KAT6A: variants seen among roughly 807,000 people sequenced by gnomAD.
KAT6A encodes histone acetyltransferase KAT6A.
A neutral mutation model predicts 198.4 loss-of-function variants in KAT6A; 9 were observed. The ratio of observed to expected loss-of-function variants is 0.05; its 90% CI spans 0.03 to 0.08. The LOEUF (loss-of-function observed/expected upper bound fraction) is 0.08. Ranked by LOEUF, KAT6A falls within the 10% of genes least tolerant of loss-of-function variation. The probability of loss-of-function intolerance (pLI) is 1.00; values close to 1 mark genes in which losing one functional copy is unlikely to be tolerated. For synonymous variants in KAT6A, 890 were observed against 883.0 expected, an observed-to-expected ratio of 1.01 and a Z score of -0.14; for missense variants, 2,077 against 2,509.9, an observed-to-expected ratio of 0.83 and a Z score of 3.69.
chr8:41,970,576 G>C (rs963089953), intron 8 of KAT6A, among the ~76,000 whole-genome samples: 1 of 152,188 alleles, frequency 6.6e-6, no homozygotes, highest in Non-Finnish European at 1.5e-5. Flanking sequence ...TCAGTAGATA[G>C]CAGTGACCAA....
chr8:41,989,940 T>C (rs1824845337), intron 2 of KAT6A, among the ~76,000 whole-genome samples: 1 of 152,108 alleles, frequency 6.6e-6, no homozygotes, highest in African/African-American at 2.4e-5. Context: ...GTCTTAATAA[T>C]TATGGCTTAA....
intron 8 of KAT6A, among the ~76,000 whole-genome samples, chr8:41,965,971 T>C (rs1823463935): frequency 6.6e-6 from 1 of 152,194 alleles, no homozygotes; most frequent in Non-Finnish European, 1.5e-5. Flanking sequence ...TTTAGTTCAT[T>C]GGATAATTTA....
intron 2 of KAT6A, among the ~76,000 whole-genome samples, chr8:42,021,641 G>A (rs542243043): frequency 6.6e-6 from 1 of 152,238 alleles, no homozygotes; most frequent in Non-Finnish European, 1.5e-5. Context: ...AACTCAGGGA[G>A]TACTTTAGAC....
intron 2 of KAT6A, among the ~76,000 whole-genome samples, chr8:42,039,469 A>G (rs1202326520): frequency 6.6e-6 from 1 of 152,228 alleles, no homozygotes; most frequent in East Asian, 1.9e-4. Flanking sequence ...GAGAAAATAA[A>G]TCTAATAGAT....
At position 41,966,848 on chromosome 8, in the gene KAT6A, T is replaced by C. The variant is rs1823516383; in HGVS notation, c.1482+7856A>G. 2.6e-5 allele frequency among the ~76,000 whole-genome samples: 4 copies of C among 152,278 alleles called. No homozygotes were observed. The South Asian group carries it at 8.3e-4, about 32-fold the overall frequency. Reference sequence around the variant, plus strand: ...AGAATAATGCAGGATGTTATTGTGATTAAGGGTACAGAATTAGAAGTCACA... The same window carrying C: ...AGAATAATGCAGGATGTTATTGTGACTAAGGGTACAGAATTAGAAGTCACA... On this transcript the variant is annotated intron_variant, in intron 8 of 16. Coordinates refer to ENST00000265713, the MANE Select transcript of KAT6A (RefSeq NM_006766.5).
In KAT6A at chr8:41,931,483, T is replaced by C. The variant is rs999359083; in HGVS notation, c.*722A>G. On this transcript the variant is annotated 3_prime_UTR_variant, in exon 17 of 17. Coordinates refer to ENST00000265713, the MANE Select transcript of KAT6A (RefSeq NM_006766.5). ...ATATTTTAAAAAAGAAGAAAAAAAT[T>C]ATATTACACTTGATTCAAGAACAAC... 5 of 208,266 alleles carry C rather than the reference T, an allele frequency of 2.4e-5. No individual in the cohort carries two copies. Among genetic ancestry groups the C allele is most frequent in the African/African-American group, 1.1e-4 (5 of 43,904 alleles). The allele number at this position is 208,266 out of a possible 1,614,324, so 12.9% of individuals were successfully genotyped here. A position where few individuals can be genotyped will look rare whatever the true frequency, so the allele number is the denominator to read the frequency against.
In KAT6A at chr8:41,934,567, G is replaced by C. The variant is rs761533593; in HGVS notation, c.3653C>G (p.Pro1218Arg). The C allele has an allele frequency of 3.1e-6, 5 of 1,613,742 alleles. No homozygotes were observed. The African/African-American group carries it at 6.7e-5, about 22-fold the overall frequency. ...CTCCTCCTTCCTCTCCTCGGGTAGGGGCATGTCTTCTTTTGGCTCAACAGT... is the reference window on the plus strand; with the variant it reads ...CTCCTCCTTCCTCTCCTCGGGTAGGCGCATGTCTTCTTTTGGCTCAACAGT... ...EETVEPKEDM[P>R]LPEERKEEEE... is the part of the protein sequence containing the mutation. The change falls in exon 17 of 17, where the codon CCC (proline) becomes CGC (arginine). Residue 1218 changes from proline to arginine, a missense_variant. Coordinates refer to ENST00000265713, the MANE Select transcript of KAT6A (RefSeq NM_006766.5).
intron 8 of KAT6A, among the ~76,000 whole-genome samples, chr8:41,955,741 T>C (rs188073193): frequency 6.6e-6 from 1 of 152,322 alleles, no homozygotes; most frequent in East Asian, 1.9e-4. Context: ...TACTTGGTGA[T>C]ATAAGATAAA....
In KAT6A at chr8:41,943,748, T is replaced by C. The variant is rs1822253833; in HGVS notation, c.2228A>G (p.Gln743Arg). 9 of 1,606,736 alleles carry C rather than the reference T, an allele frequency of 5.6e-6. No homozygotes were observed. The highest frequency in any genetic ancestry group is 1.1e-5 in the South Asian group (1 of 90,890). Residue 743 changes from glutamine (Q) to arginine (R), a missense_variant and splice_region_variant, in exon 13 of 17, where the codon CAA becomes CGA. Around this residue, in one of 13 missense-constraint regions of KAT6A, gnomAD observed 127 missense variants for 209.6 expected, o/e 0.61. Transcript: ENST00000265713. ...HLRMLDFRSDQFVIIRREKLI... is the reference protein window; with the variant it reads ...HLRMLDFRSDRFVIIRREKLI... The stretch of plus-strand genomic sequence containing the variant: ...GTATACAAAAAGATGTGATACTCAC[T>C]GGTCACTACGGAAGTCCAGCATTCG...
intron 2 of KAT6A, among the ~76,000 whole-genome samples, chr8:42,041,894 GTTTT>G (rs1262873965): frequency 2.0e-5 from 3 of 151,598 alleles, no homozygotes; most frequent in Admixed American, 6.6e-5. Context: ...AAGATTTTTT[GTTTT>G]TTTTGTTTTT....
At chr8:41,938,251 C>G (rs1199218068) in intron 15 of KAT6A, among the ~76,000 whole-genome samples, 1 of 152,218 alleles carries the variant, frequency 6.6e-6, no homozygotes, top group East Asian at 1.9e-4. Flanking sequence ...GGGTATAGGA[C>G]TTGCTTAAGT....
rs989044326 is a variant in KAT6A, at chr8:41,977,323, T to C, written c.1048A>G (p.Lys350Glu). ...NRLKKQNTVS[K>E]GPFSKVRTGP... ...GTTCGAACTTTGCTGAAGGGACCTT[T>C]TGATCTAAACAATTAAACAGGGGAA... The change falls in exon 7 of 17, where the codon AAA (lysine) becomes GAA (glutamate). Residue 350 changes from lysine (K) to glutamate (E), a missense_variant. Physicochemically the swap from Lys to Glu is moderately conservative, Grantham distance 56. This residue lies in a region of KAT6A where 206 missense variants were observed against 214.9 expected (regional missense o/e 0.96). Transcript: ENST00000265713. 2 of 1,610,988 alleles carry C rather than the reference T, an allele frequency of 1.2e-6. No homozygotes were observed. Among genetic ancestry groups the C allele is most frequent in the African/African-American group, 2.7e-5 (2 of 74,774 alleles).
intron 12 of KAT6A, 93 bp from the exon 13 acceptor site, chr8:41,944,072 G>A: frequency 3.8e-4 from 270 of 713,852 alleles, no homozygotes; most frequent in East Asian, 1.1e-3. Flanking sequence ...CTACAACCAA[G>A]AATAACTCCA....
Position 41,934,035 on chromosome 8 carries a change from G to T in KAT6A, c.4185C>A (p.Asp1395Glu), listed in dbSNP as rs766981785. The change falls in exon 17 of 17, where the codon GAC becomes GAA. Residue 1395 changes from aspartate to glutamate, a missense_variant. Asp to Glu is a conservative substitution (Grantham distance 45). Around this residue, in one of 13 missense-constraint regions of KAT6A, gnomAD observed 178 missense variants for 220.8 expected, o/e 0.81. Coordinates refer to ENST00000265713, the MANE Select transcript of KAT6A (RefSeq NM_006766.5). Reference sequence around the variant, plus strand: ...CCTTAGTGTGGGAGTCTTCTTCGTGGTCGTCCTCAGACCCAGCCATCTGCT... The same window carrying T: ...CCTTAGTGTGGGAGTCTTCTTCGTGTTCGTCCTCAGACCCAGCCATCTGCT... ...VSEQMAGSED[D>E]HEEDSHTKEE... The T allele has an allele frequency of 1.2e-6, 2 of 1,613,986 alleles. No individual in the cohort carries two copies. Among genetic ancestry groups the T allele is most frequent in the South Asian group, 1.1e-5 (1 of 91,048 alleles).
chr8:42,028,360 G>A (rs1826944090), intron 2 of KAT6A, among the ~76,000 whole-genome samples: 1 of 152,168 alleles, frequency 6.6e-6, no homozygotes, highest in Non-Finnish European at 1.5e-5. Flanking sequence ...CCATATTGGA[G>A]TTGTTCTCTC....
At position 41,934,952 on chromosome 8, in the gene KAT6A, G is replaced by A. The variant is rs528469657; in HGVS notation, c.3353-85C>T. 17 of 1,057,492 alleles carry A rather than the reference G, an allele frequency of 1.6e-5. No homozygotes were observed. The South Asian group carries it at 2.4e-4, about 15-fold the overall frequency. The allele number at this position is 1,057,492 out of a possible 1,614,324, so 65.5% of individuals were successfully genotyped here. A position where few individuals can be genotyped will look rare whatever the true frequency, so the allele number is the denominator to read the frequency against. ...TCTTCCAAGACTAGCATATACAATA[G>A]AAATGACTTTATTAATCATTACTTT... On this transcript the variant is annotated intron_variant, in intron 16 of 16. Coordinates refer to ENST00000265713, the MANE Select transcript of KAT6A (RefSeq NM_006766.5).
intron 9 of KAT6A, among the ~76,000 whole-genome samples, chr8:41,953,047 T>C (rs763913883): frequency 6.6e-6 from 1 of 152,212 alleles, no homozygotes; most frequent in African/African-American, 2.4e-5. Flanking sequence ...TGGTTCCTAT[T>C]ATACTTTTTT....
chr8:41,994,762 A>G (rs555462348), intron 2 of KAT6A, among the ~76,000 whole-genome samples: 1 of 152,172 alleles, frequency 6.6e-6, no homozygotes, highest in South Asian at 2.1e-4. Flanking sequence ...TCTTACTACT[A>G]AAAGCAATGC....
At chr8:41,967,274 A>AATTTATTTATTT (rs10661891) in intron 8 of KAT6A, among the ~76,000 whole-genome samples, 52,053 of 142,468 alleles carry the variant, frequency 0.37, 9,707 homozygotes, top group Middle Eastern at 0.44. Flanking sequence ...TAAAAAAAAA[A>AATTTATTTATTT]ATTTATTTAT....
Sources: allele counts gnomAD v4.1 joint callset (sites outside exome capture counted in the v4.1 genomes callset), GRCh38; gene constraint gnomAD v4.1.1; regional missense constraint gnomAD v4.1.1; transcripts MANE v1.5; gene names NCBI Gene and HGNC (gene_info 2026-07-23, HGNC 2026-07-21).